Variants in RBFOX1 observed in about 807,000 individuals in gnomAD.
The protein encoded by RBFOX1 is RNA binding protein fox-1 homolog 1.
A neutral mutation model predicts 57.7 loss-of-function variants in RBFOX1; 8 were observed. The observed-to-expected ratio is 0.14, with a 90% CI of 0.08 to 0.25. The LOEUF (loss-of-function observed/expected upper bound fraction) is 0.25. RBFOX1 is among the 10% of genes least tolerant of loss of function. The pLI is 1.00. For missense variants in RBFOX1, 611 were observed against 548.5 expected (o/e 1.11, Z -1.14); for synonymous variants, 326 against 222.4 (o/e 1.47, Z -4.15).
At chr16:6,557,705 C>G (rs2097124650) in intron 2 of RBFOX1, among the ~76,000 whole-genome samples, 1 of 152,136 alleles carries the variant, frequency 6.6e-6, no homozygotes, top group African/African-American at 2.4e-5. Context: ...CAAACTGCAG[C>G]CCAGAAGTTG....
chr16:7,533,593 C>T (rs1454901732), intron 5 of RBFOX1, among the ~76,000 whole-genome samples: 1 of 152,160 alleles, frequency 6.6e-6, no homozygotes, highest in Non-Finnish European at 1.5e-5. Context: ...CTTGTATGAG[C>T]CTACAGATGG....
chr16:6,047,512 G>A (rs2095507514), intron 1 of RBFOX1, among the ~76,000 whole-genome samples: 1 of 152,216 alleles, frequency 6.6e-6, no homozygotes, highest in Non-Finnish European at 1.5e-5. Context: ...TGGGTGATGA[G>A]CATGCAATGC....
At chr16:7,557,240 A>G (rs565130328) in intron 5 of RBFOX1, among the ~76,000 whole-genome samples, 1 of 152,232 alleles carries the variant, frequency 6.6e-6, no homozygotes, top group East Asian at 1.9e-4. Flanking sequence ...CTTCATCAGT[A>G]CTTAGCACAG....
chr16:6,695,881 C>G (rs1395778758), intron 3 of RBFOX1, among the ~76,000 whole-genome samples: 3 of 152,108 alleles, frequency 2.0e-5, no homozygotes, highest in Non-Finnish European at 4.4e-5. Flanking sequence ...CTCCATATGG[C>G]CGTGAATCTA....
At chr16:5,373,911 T>A in intron 1 of RBFOX1, among the ~76,000 whole-genome samples, 1 of 151,966 alleles carries the variant, frequency 6.6e-6, no homozygotes, top group Non-Finnish European at 1.5e-5. Flanking sequence ...GCCAAACTTC[T>A]TTTCTTTATA....
chr16:7,358,503 C>G (rs181081198), intron 4 of RBFOX1, among the ~76,000 whole-genome samples: 1 of 152,132 alleles, frequency 6.6e-6, no homozygotes, highest in African/African-American at 2.4e-5. Flanking sequence ...TCACTGCAAC[C>G]TCCACCTCCC....
intron 4 of RBFOX1, among the ~76,000 whole-genome samples, chr16:7,448,844 G>T (rs10220945): frequency 2.0e-5 from 3 of 151,124 alleles, no homozygotes; most frequent in Non-Finnish European, 2.9e-5. Flanking sequence ...ACTTTAATCC[G>T]GTATAATCTC....
intron 1 of RBFOX1, among the ~76,000 whole-genome samples, chr16:5,338,651 GT>G (rs1307375277): frequency 1.3e-5 from 2 of 152,294 alleles, no homozygotes; most frequent in African/African-American, 4.8e-5. Flanking sequence ...TTACTTTAAA[GT>G]TTTTTCTTTA....
chr16:6,939,953 GA>G (rs1335030960), intron 3 of RBFOX1, among the ~76,000 whole-genome samples: 3 of 152,190 alleles, frequency 2.0e-5, no homozygotes, highest in African/African-American at 7.2e-5. Context: ...TAGCAGGAAT[GA>G]CATGGGTGGA....
chr16:6,408,798 GTTTGCATTTTAATTTAA>G (rs963396016), intron 2 of RBFOX1, among the ~76,000 whole-genome samples: 1 of 152,076 alleles, frequency 6.6e-6, no homozygotes, highest in Non-Finnish European at 1.5e-5. Context: ...AGTGATTTGT[GTTTGCATTTTAATTTAA>G]TTCAGTCCTA....
At chr16:6,598,179 C>G (rs1420072) in intron 2 of RBFOX1, among the ~76,000 whole-genome samples, 57,666 of 152,122 alleles carry the variant, frequency 0.38, 13,058 homozygotes, top group Middle Eastern at 0.55. Flanking sequence ...GCAGAACATG[C>G]ATTCATAAAT....
At chr16:6,905,380 C>T (rs535187824) in intron 3 of RBFOX1, among the ~76,000 whole-genome samples, 81 of 152,056 alleles carry the variant, frequency 5.3e-4, no homozygotes, top group South Asian at 1.2e-3. Flanking sequence ...AGGCAAAACC[C>T]CACCTCTACT....
At chr16:5,965,481 T>G (rs1224607763) in intron 4 of RBFOX1, among the ~76,000 whole-genome samples, 1 of 152,132 alleles carries the variant, frequency 6.6e-6, no homozygotes, top group Non-Finnish European at 1.5e-5. Flanking sequence ...AATCAAGCTG[T>G]AAGTGGCATG....
At chr16:7,190,945 C>G (rs1215466462) in intron 4 of RBFOX1, among the ~76,000 whole-genome samples, 1 of 151,258 alleles carries the variant, frequency 6.6e-6, no homozygotes, top group African/African-American at 2.4e-5. Context: ...TCCTGGACTT[C>G]TCCCTAATCA....
At chr16:7,060,881 T>A (rs1250580027) in intron 4 of RBFOX1, among the ~76,000 whole-genome samples, 1 of 152,190 alleles carries the variant, frequency 6.6e-6, no homozygotes, top group East Asian at 1.9e-4. Flanking sequence ...TTGCATTAAC[T>A]TTCCAAATGA....
chr16:6,405,566 C>T (rs552391815), intron 2 of RBFOX1, among the ~76,000 whole-genome samples: 2 of 152,260 alleles, frequency 1.3e-5, no homozygotes, highest in South Asian at 2.1e-4. Flanking sequence ...ACTCCTTGGT[C>T]AGAACTAGTG....
chr16:6,631,904 G>A lies in RBFOX1; in HGVS notation c.-63-22699G>A, dbSNP rs139348200. ...AGAAGGTCATTGTAGCCAAAGAGGA[G>A]TGAGCAGGAAAAGGTAGGAGAGGTC... On this transcript the variant is annotated intron_variant, in intron 2 of 15. Transcript: ENST00000550418. Among the ~76,000 whole-genome samples, 8 of 152,176 alleles carry A rather than the reference G, an allele frequency of 5.3e-5. 1 individual carries two copies. Among genetic ancestry groups the A allele is most frequent in the Non-Finnish European group, 1.2e-4 (8 of 68,040 alleles).
chr16:6,258,465 T>G (rs568077397), intron 1 of RBFOX1, among the ~76,000 whole-genome samples: 2 of 152,322 alleles, frequency 1.3e-5, no homozygotes, highest in East Asian at 3.9e-4. Flanking sequence ...CATGTACCGA[T>G]GAATTTTACA....
intron 4 of RBFOX1, among the ~76,000 whole-genome samples, chr16:5,872,799 A>T (rs1281742548): frequency 2.6e-5 from 4 of 152,212 alleles, no homozygotes; most frequent in Admixed American, 1.3e-4. Context: ...CATACAGTAG[A>T]TGTTCAACAA....
Sources: allele counts gnomAD v4.1 joint callset (sites outside exome capture counted in the v4.1 genomes callset), GRCh38; gene constraint gnomAD v4.1.1; transcripts MANE v1.5; gene names NCBI Gene and HGNC (gene_info 2026-07-23, HGNC 2026-07-21).